The following CTNND2 variants were observed in gnomAD, a reference collection of about 807,000 sequenced individuals.
The protein encoded by CTNND2 is catenin delta-2.
In CTNND2, 22 loss-of-function variants were observed where a neutral mutation model predicts 144.4. The ratio of observed to expected loss-of-function variants is 0.15; its 90% CI spans 0.11 to 0.22. The LOEUF (loss-of-function observed/expected upper bound fraction) is 0.22, where lower values mean the gene tolerates loss of function less well. Ranked by LOEUF, CTNND2 falls within the 10% of genes least tolerant of loss-of-function variation. The probability of loss-of-function intolerance (pLI) is 1.00; values close to 1 mark genes in which losing one functional copy is unlikely to be tolerated. For synonymous variants in CTNND2, 751 were observed against 695.6 expected (o/e 1.08, Z -1.25); for missense variants, 1,353 against 1,618.8 (o/e 0.84, Z 2.82).
At chr5:11,703,826 T>C (rs1459860274) in intron 2 of CTNND2, among the ~76,000 whole-genome samples, 5 of 152,216 alleles carry the variant, frequency 3.3e-5, no homozygotes, top group Non-Finnish European at 5.9e-5. Flanking sequence ...ATACAAAATA[T>C]AATTTGATCA....
At chr5:11,096,423 TCTGTTC>T (rs1322282092) in intron 15 of CTNND2, among the ~76,000 whole-genome samples, 1 of 152,224 alleles carries the variant, frequency 6.6e-6, no homozygotes, top group African/African-American at 2.4e-5. Context: ...TATTTGGTTT[TCTGTTC>T]CTGTTTTAGT....
chr5:11,185,681 T>A (rs571669547), intron 11 of CTNND2, among the ~76,000 whole-genome samples: 2 of 152,286 alleles, frequency 1.3e-5, no homozygotes, highest in South Asian at 4.1e-4. Flanking sequence ...TAGGCTGAGT[T>A]TCATCCTCTA....
At chr5:11,672,268 CACTT>C (rs1783911777) in intron 2 of CTNND2, among the ~76,000 whole-genome samples, 2 of 152,198 alleles carry the variant, frequency 1.3e-5, no homozygotes, top group South Asian at 4.1e-4. Context: ...GTCAGGGACC[CACTT>C]GAGGAGGCAG....
chr5:11,153,140 T>C lies in CTNND2; in HGVS notation c.2159+6436A>G, dbSNP rs146714515. Among the ~76,000 whole-genome samples, 614 of 152,230 alleles carry C rather than the reference T, an allele frequency of 4.0e-3. 3 individuals are homozygous for C. The highest frequency in any genetic ancestry group is 0.014 in the African/African-American group (588 of 41,522). ...TTAGCTGGGTGTGGTGGTATGTATGTAGTCCCAGGCACTCGGGAGGCTGAG... is the reference window on the plus strand; with the variant it reads ...TTAGCTGGGTGTGGTGGTATGTATGCAGTCCCAGGCACTCGGGAGGCTGAG... On this transcript the variant is annotated intron_variant, in intron 12 of 21. Transcript: ENST00000304623.
At chr5:11,321,101 C>G (rs1751983667) in intron 9 of CTNND2, among the ~76,000 whole-genome samples, 1 of 152,100 alleles carries the variant, frequency 6.6e-6, no homozygotes, top group Non-Finnish European at 1.5e-5. Context: ...CATCTTTCTA[C>G]TGTTCGTAAC....
chr5:11,200,942 G>A (rs991079964), intron 10 of CTNND2, among the ~76,000 whole-genome samples: 1 of 152,148 alleles, frequency 6.6e-6, no homozygotes, highest in Non-Finnish European at 1.5e-5. Context: ...GCCTCCCAAA[G>A]TGTTGGGATT....
chr5:11,105,773 C>T (rs555578285), intron 14 of CTNND2, among the ~76,000 whole-genome samples: 8 of 152,156 alleles, frequency 5.3e-5, no homozygotes, highest in African/African-American at 1.7e-4. Flanking sequence ...AATGCACAGC[C>T]GTGATCTTTG....
chr5:11,693,254 A>G (rs1376141388), intron 2 of CTNND2, among the ~76,000 whole-genome samples: 1 of 152,192 alleles, frequency 6.6e-6, no homozygotes, highest in Non-Finnish European at 1.5e-5. Context: ...CCTTGATCAA[A>G]GATTTCCCAG....
chr5:11,193,781 G>A (rs905676060), intron 11 of CTNND2, among the ~76,000 whole-genome samples: 45 of 152,264 alleles, frequency 3.0e-4, no homozygotes, highest in African/African-American at 1.0e-3. Context: ...GGCTGGGGAT[G>A]TTAGTGGGAT....
intron 10 of CTNND2, among the ~76,000 whole-genome samples, chr5:11,217,503 G>C (rs146205873): frequency 5.1e-4 from 77 of 152,300 alleles, no homozygotes; most frequent in African/African-American, 1.8e-3. Context: ...AAAGAATGAA[G>C]CATCAGAAAG....
chr5:11,491,256 G>A (rs1769357892), intron 3 of CTNND2, among the ~76,000 whole-genome samples: 1 of 152,114 alleles, frequency 6.6e-6, no homozygotes, highest in Non-Finnish European at 1.5e-5. Context: ...AGGCTCTTTT[G>A]GGGAGGTCTC....
intron 21 of CTNND2, among the ~76,000 whole-genome samples, chr5:10,977,164 G>A (rs907433958): frequency 5.9e-5 from 9 of 152,164 alleles, no homozygotes; most frequent in South Asian, 4.1e-4. Flanking sequence ...CTGGGGGACT[G>A]AAGGAAACAC....
At chr5:11,681,658 T>C (rs1581713431) in intron 2 of CTNND2, among the ~76,000 whole-genome samples, 1 of 152,260 alleles carries the variant, frequency 6.6e-6, no homozygotes, top group East Asian at 1.9e-4. Context: ...ATTTTTATAA[T>C]GGCACAATAA....
chr5:11,023,112 A>AATGTTCCCT lies in CTNND2; in HGVS notation c.2789-142_2789-134dup, dbSNP rs1742452824. On this transcript the variant is annotated intron_variant, in intron 16 of 21. Transcript: ENST00000304623. ...CAAAATTGTTTGTTTCCCATCACTGAATGTTCCCTATTGGGTAGTTTTACA... is the reference window on the plus strand; with the variant it reads ...CAAAATTGTTTGTTTCCCATCACTGAATGTTCCCTATGTTCCCTATTGGGTAGTTTTACA... 10 of 727,132 alleles carry AATGTTCCCT rather than the reference A, an allele frequency of 1.4e-5. No individual in the cohort carries two copies. The South Asian group carries it at 1.5e-4, about 11-fold the overall frequency. The allele number at this position is 727,132 out of a possible 1,614,324, so 45.0% of individuals were successfully genotyped here.
chr5:11,017,098 C>T (rs72729252), intron 18 of CTNND2, among the ~76,000 whole-genome samples: 8,802 of 151,620 alleles, frequency 0.058, 328 homozygotes, highest in East Asian at 0.1. Context: ...TTTGTTAACT[C>T]GAATTTAAAC....
At chr5:11,736,156 C>G (rs1282697181) in intron 1 of CTNND2, among the ~76,000 whole-genome samples, 1 of 152,100 alleles carries the variant, frequency 6.6e-6, no homozygotes, top group African/African-American at 2.4e-5. Flanking sequence ...CCTGTACTGC[C>G]TCCTAATGCT....
chr5:11,020,077 T>C (rs1742079917), intron 17 of CTNND2, among the ~76,000 whole-genome samples: 2 of 152,320 alleles, frequency 1.3e-5, no homozygotes, highest in South Asian at 2.1e-4. Flanking sequence ...GTGCAGTTCA[T>C]TGTGGCTGTC....
At chr5:11,369,162 T>C (rs747619101) in intron 7 of CTNND2, among the ~76,000 whole-genome samples, 1 of 152,224 alleles carries the variant, frequency 6.6e-6, no homozygotes, top group Non-Finnish European at 1.5e-5. Context: ...TTCTTAAAAA[T>C]GTGTGCTTTC....
chr5:11,888,935 A>G (rs1023363681), intron 1 of CTNND2, among the ~76,000 whole-genome samples: 2 of 152,034 alleles, frequency 1.3e-5, no homozygotes, highest in Non-Finnish European at 2.9e-5. Flanking sequence ...TATTTTTAGT[A>G]GAGACAGGGT....
Sources: allele counts gnomAD v4.1 joint callset (sites outside exome capture counted in the v4.1 genomes callset), GRCh38; gene constraint gnomAD v4.1.1; transcripts MANE v1.5; gene names NCBI Gene and HGNC (gene_info 2026-07-23, HGNC 2026-07-21).